The following SOX6 variants were observed in gnomAD, a reference collection of about 807,000 sequenced individuals.
SOX6 encodes the protein SRY-box transcription factor 6.
SOX6 carries 11 observed loss-of-function variants against 97.8 expected under a neutral mutation model. The ratio of observed to expected loss-of-function variants is 0.11; its 90% CI spans 0.07 to 0.19. The LOEUF is 0.19. Ranked by LOEUF, SOX6 falls within the 10% of genes least tolerant of loss-of-function variation. The pLI is 1.00. For missense variants in SOX6, 810 were observed against 1,039.5 expected, an observed-to-expected ratio of 0.78 and a Z score of 3.04; for synonymous variants, 360 against 371.4, an observed-to-expected ratio of 0.97 and a Z score of 0.35.
chr11:15,982,083 T>C (rs1853671294), intron 15 of SOX6, among the ~76,000 whole-genome samples: 1 of 151,994 alleles, frequency 6.6e-6, no homozygotes, highest in South Asian at 2.1e-4. Flanking sequence ...AGATCTAGTA[T>C]TTGAGCCAGA....
chr11:16,518,586 C>G (rs981945088), intron 4 of SOX6, among the ~76,000 whole-genome samples: 4 of 152,142 alleles, frequency 2.6e-5, no homozygotes, highest in African/African-American at 9.7e-5. Flanking sequence ...ATATCCAGAG[C>G]TCTGTAATAT....
chr11:16,730,021 C>T (rs1848336716), intron 2 of SOX6, among the ~76,000 whole-genome samples: 1 of 96,100 alleles, frequency 1.0e-5, no homozygotes, highest in African/African-American at 3.7e-5. Context: ...GAAGAGCTAA[C>T]TATCCTAAAT....
At chr11:16,459,182 T>C (rs1859871442) in intron 1 of SOX6, among the ~76,000 whole-genome samples, 1 of 152,024 alleles carries the variant, frequency 6.6e-6, no homozygotes, top group Admixed American at 6.6e-5. Context: ...CAAGGAACGC[T>C]GATCAGAGTA....
intron 1 of SOX6, among the ~76,000 whole-genome samples, chr11:16,371,516 G>C (rs1857494382): frequency 6.6e-6 from 1 of 151,636 alleles, no homozygotes; most frequent in East Asian, 1.9e-4. Context: ...TAGAACGTAA[G>C]CTCCTTGAGG....
intron 4 of SOX6, among the ~76,000 whole-genome samples, chr11:16,540,938 C>A (rs1334824928): frequency 1.3e-5 from 2 of 152,150 alleles, no homozygotes; most frequent in Non-Finnish European, 2.9e-5. Context: ...ATCAAGCTAC[C>A]AATGACTTTC....
At chr11:16,306,247 CT>C (rs1289649518) in intron 3 of SOX6, among the ~76,000 whole-genome samples, 1 of 152,092 alleles carries the variant, frequency 6.6e-6, no homozygotes, top group African/African-American at 2.4e-5. Flanking sequence ...TAGAATCTCT[CT>C]GTATTATTTC....
chr11:16,090,230 T>C (rs1010793459), intron 9 of SOX6, among the ~76,000 whole-genome samples: 2 of 152,048 alleles, frequency 1.3e-5, no homozygotes, highest in Non-Finnish European at 2.9e-5. Flanking sequence ...TCAGGAGAGA[T>C]AGAGGACTAC....
intron 4 of SOX6, among the ~76,000 whole-genome samples, chr11:16,524,970 T>G (rs371924870): frequency 6.6e-6 from 1 of 151,962 alleles, no homozygotes; most frequent in African/African-American, 2.4e-5. Flanking sequence ...CACTGCTCAA[T>G]GAAATAAAAG....
intron 4 of SOX6, among the ~76,000 whole-genome samples, chr11:16,545,312 T>C (rs1187830044): frequency 7.0e-6 from 1 of 142,382 alleles, no homozygotes; most frequent in Admixed American, 7.1e-5. Flanking sequence ...AACCCATGGA[T>C]CCAAAAACTT....
intron 12 of SOX6, chr11:16,015,350 T>C (rs907762566): frequency 4.9e-6 from 2 of 406,698 alleles, no homozygotes; most frequent in Non-Finnish European, 9.1e-6. Flanking sequence ...AACAACGCAA[T>C]AGAGAGGGTT....
At chr11:16,148,146 A>G (rs1288201975) in intron 6 of SOX6, among the ~76,000 whole-genome samples, 2 of 152,214 alleles carry the variant, frequency 1.3e-5, no homozygotes, top group African/African-American at 4.8e-5. Flanking sequence ...AACTTTGTAG[A>G]TTCTTAACAT....
At position 16,567,553 on chromosome 11, in the gene SOX6, A is replaced by C. The variant is rs1247858897; in HGVS notation, n.609+44528T>G. ...TTTCTCTGTATTAATGGTATGTCAT[A>C]TTTTTTTCTTTTTTTTTTTTTTTTT... On this transcript the variant is annotated intron_variant and non_coding_transcript_variant, in intron 4 of 5. Transcript: ENST00000524520. Among the ~76,000 whole-genome samples the C allele has an allele frequency of 9.6e-3, 1,022 of 107,002 alleles. 22 individuals carry two copies. The highest frequency in any genetic ancestry group is 0.025 in the Middle Eastern group (4 of 158). The allele number at this position is 107,002 out of a possible 152,430, so 70.2% of individuals were successfully genotyped here. A position where few individuals can be genotyped will look rare whatever the true frequency, so the allele number is the denominator to read the frequency against.
chr11:16,268,294 A>G lies in SOX6; in HGVS notation c.446-33623T>C, dbSNP rs528652846. On this transcript the variant is annotated intron_variant, in intron 3 of 15. Coordinates refer to ENST00000683767, the MANE Select transcript of SOX6 (RefSeq NM_001367873.1). ...AAATCATCATATCATCATGTACCCC[A>G]TAAATACATACAACTATAATTTGTC... 5.8e-4 allele frequency among the ~76,000 whole-genome samples: 88 copies of G among 151,340 alleles called. 1 individual carries two copies. The South Asian group carries it at 0.016, about 28-fold the overall frequency.
chr11:16,211,750 C>T (rs187872149), intron 4 of SOX6, among the ~76,000 whole-genome samples: 41 of 152,098 alleles, frequency 2.7e-4, no homozygotes, highest in African/African-American at 8.2e-4. Context: ...TTGAACCCAA[C>T]TGGAAGTCAA....
At chr11:16,097,766 G>T in intron 7 of SOX6, 78 bp from the exon 8 acceptor site, 1 of 1,300,620 alleles carries the variant, frequency 7.7e-7, no homozygotes, top group Non-Finnish European at 1.1e-6. Flanking sequence ...ATGGTCCTTG[G>T]ATTGCCTGAG....
At chr11:16,037,690 C>T (rs529519390) in intron 12 of SOX6, among the ~76,000 whole-genome samples, 3 of 152,242 alleles carry the variant, frequency 2.0e-5, no homozygotes, top group African/African-American at 7.2e-5. Context: ...TCTGAAGCCC[C>T]GGTCACTCTG....
Position 16,049,871 on chromosome 11 carries a change from G to T in SOX6, c.1319C>A (p.Pro440Gln), listed in dbSNP as rs1191040015. Residue 440 changes from proline to glutamine, a missense_variant, in exon 11 of 16, where the codon CCA (proline) becomes CAA (glutamine). By Grantham distance (76) the Pro-to-Gln change is moderately conservative. Around this residue, in one of 9 missense-constraint regions of SOX6, gnomAD observed 244 missense variants for 261.0 expected, o/e 0.93. Transcript: ENST00000683767. ...RPKTAEPVKSPTSPTQNLFPA... is the reference protein window; with the variant it reads ...RPKTAEPVKSQTSPTQNLFPA... ...GAAGAGGTTCTGGGTGGGAGACGTTGGGGACTTTACAGGCTCTGCTGTCTT... is the reference window on the plus strand; with the variant it reads ...GAAGAGGTTCTGGGTGGGAGACGTTTGGGACTTTACAGGCTCTGCTGTCTT... 62 of 1,613,590 alleles carry T rather than the reference G, an allele frequency of 3.8e-5. No individual in the cohort carries two copies. The highest frequency in any genetic ancestry group is 5.3e-5 in the Non-Finnish European group (62 of 1,179,766).
intron 6 of SOX6, among the ~76,000 whole-genome samples, chr11:16,147,139 G>A (rs1461975969): frequency 6.6e-6 from 1 of 152,062 alleles, no homozygotes; most frequent in Non-Finnish European, 1.5e-5. Context: ...TTAAGAAAAT[G>A]TGGCACATAT....
intron 1 of SOX6, among the ~76,000 whole-genome samples, chr11:16,343,839 T>C (rs564364280): frequency 6.6e-6 from 1 of 151,990 alleles, no homozygotes; most frequent in African/African-American, 2.4e-5. Context: ...TTATAACATC[T>C]CACAATTTGT....
Sources: gnomAD v4.1 joint callset for allele counts (sites outside exome capture counted in the v4.1 genomes callset) on GRCh38, gnomAD v4.1.1 for gene constraint, gnomAD v4.1.1 regional missense constraint, MANE v1.5 for transcripts, NCBI Gene and HGNC (gene_info 2026-07-23, HGNC 2026-07-21) for gene names.